Variants in CACNA2D3 observed in about 807,000 individuals in gnomAD.
CACNA2D3 encodes calcium voltage-gated channel auxiliary subunit alpha2delta 3.
Under a neutral mutation model 160.6 loss-of-function variants are expected in CACNA2D3, and 60 were observed. The observed-to-expected ratio is 0.37, with a 90% CI of 0.30 to 0.46. The LOEUF (loss-of-function observed/expected upper bound fraction) is 0.46, where lower values mean the gene tolerates loss of function less well. CACNA2D3 is among the 20% of genes least tolerant of loss of function. The pLI is 1.00. For missense variants in CACNA2D3, 1,205 were observed against 1,365.0 expected, an observed-to-expected ratio of 0.88 and a Z score of 1.85; for synonymous variants, 558 against 492.9, an observed-to-expected ratio of 1.13 and a Z score of -1.75.
chr3:55,061,273 A>C (rs1704499431), intron 35 of CACNA2D3, among the ~76,000 whole-genome samples: 1 of 152,250 alleles, frequency 6.6e-6, no homozygotes, highest in African/African-American at 2.4e-5. Flanking sequence ...TTAGCACTTA[A>C]CTATGAAAAC....
At chr3:54,677,942 C>T (rs1179780271) in intron 11 of CACNA2D3, among the ~76,000 whole-genome samples, 1 of 151,892 alleles carries the variant, frequency 6.6e-6, no homozygotes, top group Admixed American at 6.6e-5. Flanking sequence ...TCCTGAGGGA[C>T]ACATGTGTGA....
At chr3:54,868,979 T>C (rs1699465548) in intron 17 of CACNA2D3, among the ~76,000 whole-genome samples, 1 of 152,224 alleles carries the variant, frequency 6.6e-6, no homozygotes, top group Admixed American at 6.5e-5. Context: ...GGAGGTGCTA[T>C]TGTTTTTACC....
At chr3:54,937,521 C>T (rs1006383477) in intron 27 of CACNA2D3, among the ~76,000 whole-genome samples, 1 of 152,098 alleles carries the variant, frequency 6.6e-6, no homozygotes, top group Admixed American at 6.6e-5. Flanking sequence ...TATTAGTGGA[C>T]CTGTGCAGTT....
chr3:54,495,310 T>G (rs1345029504), intron 4 of CACNA2D3, among the ~76,000 whole-genome samples: 1 of 152,226 alleles, frequency 6.6e-6, no homozygotes, highest in African/African-American at 2.4e-5. Flanking sequence ...AATTAATAAT[T>G]CAAAAAGAAT....
At chr3:54,896,915 G>T in intron 26 of CACNA2D3, 45 bp downstream of exon 26, 1 of 1,612,902 alleles carries the variant, frequency 6.2e-7, no homozygotes, top group Non-Finnish European at 8.5e-7. Flanking sequence ...CTGGTCCAGT[G>T]GGTCTGGGCA....
intron 12 of CACNA2D3, 106 bp downstream of exon 12, chr3:54,752,783 C>G (rs1470583165): frequency 1.3e-6 from 1 of 756,548 alleles, no homozygotes; most frequent in Middle Eastern, 2.3e-4. Context: ...AAGATAAAGT[C>G]TGGGTATATC....
intron 27 of CACNA2D3, among the ~76,000 whole-genome samples, chr3:54,939,148 G>A (rs1701397706): frequency 6.6e-6 from 1 of 152,160 alleles, no homozygotes; most frequent in Non-Finnish European, 1.5e-5. Flanking sequence ...AACTCTCAAG[G>A]CTGAATCCAA....
intron 4 of CACNA2D3, among the ~76,000 whole-genome samples, chr3:54,452,724 G>A (rs2106820815): frequency 6.6e-6 from 1 of 152,208 alleles, no homozygotes; most frequent in African/African-American, 2.4e-5. Context: ...TAAAACAACA[G>A]GAATTTATTT....
chr3:54,206,269 T>C (rs534056623), intron 2 of CACNA2D3, among the ~76,000 whole-genome samples: 4 of 152,294 alleles, frequency 2.6e-5, no homozygotes, highest in African/African-American at 9.6e-5. Flanking sequence ...CAGTGCTGGC[T>C]GAGGGTCCTG....
chr3:54,925,281 G>A (rs1049684424), intron 27 of CACNA2D3: 26 of 1,337,392 alleles, frequency 1.9e-5, no homozygotes, highest in East Asian at 1.2e-4. Context: ...GCACTTTTCC[G>A]CCTTTGAATT....
chr3:54,871,410 G>T, intron 17 of CACNA2D3, 129 bp from the exon 18 acceptor site: 1 of 625,276 alleles, frequency 1.6e-6, no homozygotes, highest in Non-Finnish European at 2.8e-6. Context: ...ACCCTGCTGG[G>T]CTTCTCACCC....
chr3:54,869,785 T>A (rs749367515), intron 17 of CACNA2D3, among the ~76,000 whole-genome samples: 82 of 152,208 alleles, frequency 5.4e-4, no homozygotes, highest in Non-Finnish European at 1.0e-3. Flanking sequence ...TCGTTGCTGT[T>A]CTTTTCTGTT....
intron 15 of CACNA2D3, among the ~76,000 whole-genome samples, chr3:54,838,214 A>G (rs1221671491): frequency 1.3e-5 from 2 of 152,218 alleles, no homozygotes; most frequent in Non-Finnish European, 2.9e-5. Context: ...AAAAGCTTTC[A>G]TAAGAGAAAC....
intron 2 of CACNA2D3, among the ~76,000 whole-genome samples, chr3:54,144,139 C>T (rs1172097029): frequency 6.6e-6 from 1 of 152,216 alleles, no homozygotes; most frequent in African/African-American, 2.4e-5. Context: ...ATCAGATTGT[C>T]AACATAAAGT....
intron 29 of CACNA2D3, among the ~76,000 whole-genome samples, chr3:54,975,178 A>G (rs1238357866): frequency 6.6e-6 from 1 of 151,972 alleles, no homozygotes; most frequent in African/African-American, 2.4e-5. Context: ...TTGTCACTCA[A>G]TTTGCCTTTT....
Position 54,469,839 on chromosome 3 carries a change from A to G in CACNA2D3, c.382-33653A>G, listed in dbSNP as rs374875929. 2.9e-4 allele frequency among the ~76,000 whole-genome samples: 44 copies of G among 152,200 alleles called. 1 individual carries two copies. The South Asian group carries it at 9.1e-3, about 32-fold the overall frequency. On this transcript the variant is annotated intron_variant, in intron 4 of 37. Coordinates refer to ENST00000474759, the MANE Select transcript of CACNA2D3 (RefSeq NM_018398.3). The stretch of plus-strand genomic sequence containing the variant: ...CGGAAGAAAGGATATCAGAGATTGA[A>G]GATCAACTTAATGAGATAAAGTGTG...
At chr3:54,454,586 A>G (rs955108767) in intron 4 of CACNA2D3, among the ~76,000 whole-genome samples, 1 of 152,168 alleles carries the variant, frequency 6.6e-6, no homozygotes, top group Non-Finnish European at 1.5e-5. Context: ...TCAAACATGT[A>G]TCATTTCTTC....
At chr3:54,860,011 C>CACACAA (rs1359915675) in intron 17 of CACNA2D3, among the ~76,000 whole-genome samples, 6 of 151,526 alleles carry the variant, frequency 4.0e-5, no homozygotes, top group Admixed American at 3.3e-4. Flanking sequence ...CACACACACA[C>CACACAA]ACAAACACAC....
At chr3:54,777,939 T>C (rs954671004) in intron 13 of CACNA2D3, among the ~76,000 whole-genome samples, 8 of 152,192 alleles carry the variant, frequency 5.3e-5, no homozygotes, top group Admixed American at 2.0e-4. Flanking sequence ...GCTATTTTAA[T>C]TGTCAACTAA....
Sources: gnomAD v4.1 joint callset for allele counts (sites outside exome capture counted in the v4.1 genomes callset) on GRCh38, gnomAD v4.1.1 for gene constraint, MANE v1.5 for transcripts, NCBI Gene and HGNC (gene_info 2026-07-23, HGNC 2026-07-21) for gene names.